Variants in IGF2BP3 observed in about 807,000 individuals in gnomAD.
The protein encoded by IGF2BP3 is insulin-like growth factor 2 mRNA-binding protein 3.
In IGF2BP3, 9 loss-of-function variants were observed where a neutral mutation model predicts 73.8. The observed-to-expected ratio is 0.12, with a 90% CI of 0.07 to 0.21. The LOEUF (loss-of-function observed/expected upper bound fraction) is 0.21, where lower values mean the gene tolerates loss of function less well. Ranked by LOEUF, IGF2BP3 falls within the 10% of genes least tolerant of loss-of-function variation. IGF2BP3 has a pLI of 1.00. For synonymous variants in IGF2BP3, 258 were observed against 256.7 expected (o/e 1.01, Z -0.05); for missense variants, 542 against 714.0 (o/e 0.76, Z 2.75).
intron 2 of IGF2BP3, among the ~76,000 whole-genome samples, chr7:23,419,234 A>G (rs1787277061): frequency 6.6e-6 from 1 of 152,232 alleles, no homozygotes; most frequent in African/African-American, 2.4e-5. Context: ...GGAAATAAAA[A>G]TGAGGTGTGG....
Position 23,310,633 on chromosome 7 carries a change from CA to C in IGF2BP3, c.*1728del, listed in dbSNP as rs1038945389. On this transcript the variant is annotated 3_prime_UTR_variant, in exon 15 of 15. Transcript: ENST00000258729. ...CATGAATGCTAGGAGAATCCAGTGA[CA>C]AAAAGGGCACTTTTTTGGTTAAAAC... The C allele has an allele frequency of 6.6e-6, 1 of 152,060 alleles. No individual in the cohort carries two copies. The highest frequency in any genetic ancestry group is 2.4e-5 in the African/African-American group (1 of 41,398). 9.4% of individuals were successfully genotyped at this position (152,060 alleles called of 1,614,324 possible).
At chr7:23,316,898 T>A (rs1784006986) in intron 12 of IGF2BP3, among the ~76,000 whole-genome samples, 1 of 152,208 alleles carries the variant, frequency 6.6e-6, no homozygotes, top group Non-Finnish European at 1.5e-5. Context: ...GCTGCCCATG[T>A]GTTAGGCACT....
Position 23,347,731 on chromosome 7 carries a change from G to A in IGF2BP3, c.687C>T (p.Ile229=), listed in dbSNP as rs151010616. Residue 229 remains isoleucine, a synonymous_variant, in exon 7 of 15, where the codon ATC becomes ATT. Coordinates refer to ENST00000258729, the MANE Select transcript of IGF2BP3 (RefSeq NM_006547.3). ...RNITKQTQSK[I]DVHRKENAGA... is the part of the protein sequence containing the mutation. ...CCGCATTTTCTTTACGGTGGACATC[G>A]ATTCTGATAGTGGGCGCAAGCAGAG... is the stretch of plus-strand genomic sequence containing the variant. The A allele has an allele frequency of 7.1e-4, 1,138 of 1,614,004 alleles. 5 individuals carry two copies. The highest frequency in any genetic ancestry group is 6.7e-3 in the South Asian group (608 of 91,074).
chr7:23,396,471 T>A, intron 3 of IGF2BP3: 1 of 185,500 alleles, frequency 5.4e-6, no homozygotes, highest in South Asian at 1.1e-4. Flanking sequence ...CCAAAATAGC[T>A]GGAATTACTG....
At chr7:23,460,554 A>G in intron 2 of IGF2BP3, among the ~76,000 whole-genome samples, 1 of 152,074 alleles carries the variant, frequency 6.6e-6, no homozygotes, top group Admixed American at 6.6e-5. Flanking sequence ...AGAGTAGATC[A>G]ATCGTCATTT....
chr7:23,449,054 TTTC>T (rs974083351), intron 2 of IGF2BP3, among the ~76,000 whole-genome samples: 5 of 152,296 alleles, frequency 3.3e-5, no homozygotes, highest in African/African-American at 9.6e-5. Flanking sequence ...CACTTAGATT[TTTC>T]TTCTTTTTGT....
rs1554321045 is a variant in IGF2BP3, at chr7:23,368,331, G to GAAAGAAAA, written c.286-6591_286-6590insTTTTCTTT. Reference sequence around the variant, plus strand: ...GAGAGAAAGAGAGAGAGAAAGAAAAGAAAGAAAGAAAAAAAGAAAGAAAGA... The same window carrying GAAAGAAAA: ...GAGAGAAAGAGAGAGAGAAAGAAAAGAAAGAAAAAAAGAAAGAAAAAAAGAAAGAAAGA... On this transcript the variant is annotated intron_variant, in intron 3 of 14. Transcript: ENST00000258729. Among the ~76,000 whole-genome samples, 296 of 94,064 alleles carry GAAAGAAAA rather than the reference G, an allele frequency of 3.1e-3. 1 individual carries two copies. Among genetic ancestry groups the GAAAGAAAA allele is most frequent in the African/African-American group, 0.011 (261 of 24,400 alleles). 61.7% of individuals were successfully genotyped at this position (94,064 alleles called of 152,430 possible).
intron 3 of IGF2BP3, among the ~76,000 whole-genome samples, chr7:23,416,742 T>A (rs1181846271): frequency 6.6e-6 from 1 of 152,230 alleles, no homozygotes; most frequent in African/African-American, 2.4e-5. Flanking sequence ...ACAAGCGGCA[T>A]ACCCAGCGTG....
In IGF2BP3 at chr7:23,313,660, A is replaced by G. The variant is rs1783894155; in HGVS notation, c.1396-7T>C. The G allele has an allele frequency of 1.2e-6, 2 of 1,612,932 alleles. No homozygotes were observed. Among genetic ancestry groups the G allele is most frequent in the Non-Finnish European group, 1.7e-6 (2 of 1,179,814 alleles). On this transcript the variant is annotated splice_polypyrimidine_tract_variant and splice_region_variant and intron_variant, in intron 12 of 14. Coordinates refer to ENST00000258729, the MANE Select transcript of IGF2BP3 (RefSeq NM_006547.3). ...CATAAATTCTTCCCTGAGCCTGCAG[A>G]TGAAAACACATCCTATTAGTGTCAT...
At chr7:23,333,977 T>C (rs1266588151) in intron 10 of IGF2BP3, among the ~76,000 whole-genome samples, 2 of 152,216 alleles carry the variant, frequency 1.3e-5, no homozygotes, top group Non-Finnish European at 2.9e-5. Flanking sequence ...CACATAAATA[T>C]GCTGTCAACT....
intron 3 of IGF2BP3, among the ~76,000 whole-genome samples, chr7:23,374,944 G>A (rs1244380548): frequency 6.6e-6 from 1 of 152,096 alleles, no homozygotes; most frequent in Non-Finnish European, 1.5e-5. Context: ...GCTTCAGCCG[G>A]TCCCCCCGTT....
intron 10 of IGF2BP3, among the ~76,000 whole-genome samples, chr7:23,339,977 G>T (rs1784667096): frequency 6.6e-6 from 1 of 152,090 alleles, no homozygotes; most frequent in Non-Finnish European, 1.5e-5. Flanking sequence ...ATTTAATTCT[G>T]TAGAAACTAG....
intron 5 of IGF2BP3, among the ~76,000 whole-genome samples, chr7:23,353,129 T>C (rs747286958): frequency 2.6e-5 from 4 of 152,192 alleles, no homozygotes; most frequent in Non-Finnish European, 1.5e-5. Context: ...TCAGGTTCTT[T>C]GCTCAGATTC....
At chr7:23,414,634 C>G (rs536894245) in intron 3 of IGF2BP3, 1 of 152,732 alleles carries the variant, frequency 6.5e-6, no homozygotes, top group South Asian at 2.1e-4. Flanking sequence ...AAAATAAGCT[C>G]TCAGTTCCAA....
intron 2 of IGF2BP3, among the ~76,000 whole-genome samples, chr7:23,439,315 C>T (rs758201669): frequency 5.3e-5 from 8 of 151,652 alleles, no homozygotes; most frequent in East Asian, 1.9e-4. Flanking sequence ...CACTTTGGGA[C>T]GCCGAGGTGG....
intron 3 of IGF2BP3, among the ~76,000 whole-genome samples, chr7:23,362,271 G>C (rs957755293): frequency 6.7e-6 from 1 of 148,914 alleles, no homozygotes; most frequent in Non-Finnish European, 1.5e-5. Flanking sequence ...AAAATAAAAA[G>C]AGAAAAAAAA....
chr7:23,352,823 A>T (rs1785000261), intron 5 of IGF2BP3, among the ~76,000 whole-genome samples: 1 of 152,200 alleles, frequency 6.6e-6, no homozygotes, highest in South Asian at 2.1e-4. Context: ...ATGTAAATAT[A>T]TATGAGTATA....
chr7:23,313,469 C>T (rs764701177), intron 13 of IGF2BP3, 53 bp downstream of exon 13: 8 of 1,591,940 alleles, frequency 5.0e-6, no homozygotes, highest in Non-Finnish European at 6.8e-6. Context: ...TCCTAAGTAC[C>T]TTTCAACGCT....
At chr7:23,418,888 C>T (rs546296488) in intron 2 of IGF2BP3, 64 bp from the exon 3 acceptor site, 2 of 1,048,606 alleles carry the variant, frequency 1.9e-6, no homozygotes, top group Admixed American at 4.5e-5. Context: ...TAATAGCCAA[C>T]ATGGAAGTTT....
Sources: gnomAD v4.1 joint callset for allele counts (sites outside exome capture counted in the v4.1 genomes callset) on GRCh38, gnomAD v4.1.1 for gene constraint, MANE v1.5 for transcripts, NCBI Gene and HGNC (gene_info 2026-07-23, HGNC 2026-07-21) for gene names.